The following PPP2R5C variants were observed in gnomAD, a reference collection of about 807,000 sequenced individuals.
PPP2R5C encodes protein phosphatase 2 regulatory subunit B'gamma, also known as serine/threonine-protein phosphatase 2A 56 kDa regulatory subunit gamma isoform.
A neutral mutation model predicts 68.9 loss-of-function variants in PPP2R5C; 7 were observed. That is an observed-to-expected ratio of 0.10 (90% confidence interval 0.06 to 0.19). The LOEUF is 0.19. Among genes scored for constraint, PPP2R5C ranks in the 10% least tolerant of loss-of-function variants. PPP2R5C has a pLI of 1.00. For missense variants in PPP2R5C, 348 were observed against 641.3 expected (o/e 0.54, Z 4.94); for synonymous variants, 210 against 222.2 (o/e 0.95, Z 0.49).
At position 101,910,173 on chromosome 14, in the gene PPP2R5C, G is replaced by A. The variant is rs117100512; in HGVS notation, c.1253+483G>A. ...TTTGCAAAATCAGGGTCCTGCCCTC[G>A]TGCCTTTGAGCCCACATGTGTCCAG... On this transcript the variant is annotated intron_variant, in intron 11 of 13. Transcript: ENST00000334743. Among the ~76,000 whole-genome samples, 546 of 152,278 alleles carry A rather than the reference G, an allele frequency of 3.6e-3. 2 individuals carry two copies. The highest frequency in any genetic ancestry group is 0.028 in the East Asian group (143 of 5,184).
intron 8 of PPP2R5C, among the ~76,000 whole-genome samples, chr14:101,897,306 A>AT (rs561053787): frequency 2.0e-5 from 3 of 150,040 alleles, no homozygotes; most frequent in Non-Finnish European, 4.5e-5. Context: ...CTCATTGGGG[A>AT]TTTTTTTTTT....
rs1468285709 is a variant in PPP2R5C, at chr14:101,877,634, C to G, written c.295-4527C>G. On this transcript the variant is annotated intron_variant, in intron 2 of 13. Transcript: ENST00000334743. This position sits in a 1 kb window ranked among gnomAD's most constrained non-coding sequence, Gnocchi z 4.2. ...CCTGGGGCTCCTGCCCCTGATTCGC[C>G]CCTGCAGCTTTTGTGTTAAGAAATG... 6.6e-6 allele frequency among the ~76,000 whole-genome samples: 1 copy of G among 152,158 alleles called. No homozygotes were observed. The highest frequency in any genetic ancestry group is 6.5e-5 in the Admixed American group (1 of 15,272).
rs1186686166 is a variant in PPP2R5C at position 101,853,879 on chromosome 14, C to T, written c.95-2807C>T. ...TGCATAGCGTGGCTCTTAGGGAGAA[C>T]GGTGGACTCTCAGTTCTCTGTAGTG... On this transcript the variant is annotated intron_variant, in intron 1 of 13. Coordinates refer to ENST00000334743, the Ensembl canonical transcript of PPP2R5C. Among the ~76,000 whole-genome samples the T allele has an allele frequency of 3.3e-5, 5 of 152,062 alleles. No individual in the cohort carries two copies. In the East Asian group the frequency reaches 9.6e-4, roughly 29 times the overall value.
chr14:101,827,711 T>C (rs2040481083), intron 1 of PPP2R5C, among the ~76,000 whole-genome samples: 1 of 152,186 alleles, frequency 6.6e-6, no homozygotes, highest in Non-Finnish European at 1.5e-5. Context: ...GGGAAATCAG[T>C]TCTCGGCCAT....
chr14:101,874,742 G>GT lies in PPP2R5C; in HGVS notation c.295-7409dup, dbSNP rs926897397. Among the ~76,000 whole-genome samples the GT allele has an allele frequency of 3.8e-4, 56 of 148,860 alleles. No individual in the cohort carries two copies. The Middle Eastern group carries it at 0.014, about 37-fold the overall frequency. Reference sequence around the variant, plus strand: ...TTCTACAAAGGTTTGTAAGTTGTTTGTTTTTTTTTTAATTTGAGACAGAGT... The same window carrying GT: ...TTCTACAAAGGTTTGTAAGTTGTTTGTTTTTTTTTTTAATTTGAGACAGAGT... On this transcript the variant is annotated intron_variant, in intron 2 of 13. Transcript: ENST00000334743.
chr14:101,811,303 A>G (rs2039345986), intron 1 of PPP2R5C, among the ~76,000 whole-genome samples: 1 of 152,210 alleles, frequency 6.6e-6, no homozygotes, highest in African/African-American at 2.4e-5. Context: ...CAAATGGGCA[A>G]GAACAAAATG....
chr14:101,848,705 G>A (rs1411210093), intron 1 of PPP2R5C, among the ~76,000 whole-genome samples: 1 of 152,216 alleles, frequency 6.6e-6, no homozygotes, highest in Non-Finnish European at 1.5e-5. Flanking sequence ...CCCTGGAGCA[G>A]CCCAGGGACA....
intron 1 of PPP2R5C, among the ~76,000 whole-genome samples, chr14:101,849,476 T>C (rs1317186600): frequency 6.6e-6 from 1 of 151,716 alleles, no homozygotes; most frequent in Non-Finnish European, 1.5e-5. Flanking sequence ...TTGGATCTAT[T>C]TTGTGAAGAA....
chr14:101,875,224 G>A (rs746536281), intron 2 of PPP2R5C, among the ~76,000 whole-genome samples: 9 of 152,154 alleles, frequency 5.9e-5, no homozygotes, highest in South Asian at 2.1e-4. Context: ...TGGAGGAAGC[G>A]CGAGGTAGAT....
chr14:101,836,846 A>C (rs1323343150), intron 1 of PPP2R5C: 1 of 161,376 alleles, frequency 6.2e-6, no homozygotes, highest in East Asian at 1.8e-4. Context: ...TTGTGAAGAC[A>C]AAACAATAAT....
chr14:101,769,455 CAGTT>C (rs985306342), intron 2 of PPP2R5C, among the ~76,000 whole-genome samples: 6 of 152,106 alleles, frequency 3.9e-5, no homozygotes, highest in South Asian at 2.1e-4. Flanking sequence ...ACCTTGAAGT[CAGTT>C]AGGTTGCTGA....
chr14:101,894,593 G>A (rs756609638), intron 8 of PPP2R5C, 33 bp downstream of exon 10: 3 of 1,586,622 alleles, frequency 1.9e-6, no homozygotes, highest in South Asian at 1.1e-5. Context: ...CTTGTAAGAT[G>A]TGTGCATTTC....
chr14:101,788,193 T>C (rs2140080105), intron 3 of PPP2R5C, among the ~76,000 whole-genome samples: 1 of 152,340 alleles, frequency 6.6e-6, no homozygotes, highest in East Asian at 1.9e-4. Flanking sequence ...GGGGCTTGGA[T>C]CTGCCATGGT....
intron 2 of PPP2R5C, among the ~76,000 whole-genome samples, chr14:101,780,388 C>T (rs1220414952): frequency 6.6e-6 from 1 of 152,084 alleles, no homozygotes; most frequent in Admixed American, 6.5e-5. Context: ...TGTTCCCATA[C>T]GTTTGAGAGA....
intron 1 of PPP2R5C, among the ~76,000 whole-genome samples, chr14:101,814,539 A>C (rs1017739853): frequency 1.3e-5 from 2 of 152,194 alleles, no homozygotes; most frequent in Admixed American, 1.3e-4. Context: ...ATACGCTCTC[A>C]ATCTCAGAGG....
At chr14:101,887,075 GA>G (rs1292777228) in intron 5 of PPP2R5C, among the ~76,000 whole-genome samples, 2 of 152,150 alleles carry the variant, frequency 1.3e-5, no homozygotes, top group Admixed American at 1.3e-4. Flanking sequence ...TGTCTTGTAA[GA>G]AAAAACATTT....
intron 8 of PPP2R5C, among the ~76,000 whole-genome samples, chr14:101,900,149 A>C (rs901925239): frequency 4.6e-5 from 7 of 152,260 alleles, no homozygotes; most frequent in Middle Eastern, 3.4e-3. Context: ...GACCTCCCAA[A>C]GTCCTGAGAT....
Position 101,891,529 on chromosome 14 carries a change from C to T in PPP2R5C, c.689+1233C>T, listed in dbSNP as rs1222547484. ...TAAGATAGGCGCATCCTCGCATTTC[C>T]CTCCTAGGTTGTTGCAGGGACCGGA... On this transcript the variant is annotated intron_variant, in intron 6 of 13. Coordinates refer to ENST00000334743, the Ensembl canonical transcript of PPP2R5C. The surrounding 1 kb of genome is among the most constrained non-coding windows in gnomAD (Gnocchi z 4.9). Among the ~76,000 whole-genome samples the T allele has an allele frequency of 6.6e-6, 1 of 152,120 alleles. No individual in the cohort carries two copies. The highest frequency in any genetic ancestry group is 2.4e-5 in the African/African-American group (1 of 41,402).
intron 1 of PPP2R5C, among the ~76,000 whole-genome samples, chr14:101,811,082 G>C (rs960372785): frequency 1.3e-5 from 2 of 152,174 alleles, no homozygotes; most frequent in Non-Finnish European, 2.9e-5. Context: ...AGACTTTTCA[G>C]ATCCTAGGGT....
Sources: gnomAD v4.1 joint callset for allele counts (sites outside exome capture counted in the v4.1 genomes callset) on GRCh38, gnomAD v4.1.1 for gene constraint, Gnocchi (gnomAD v3.1) non-coding constraint, MANE v1.5 for transcripts, NCBI Gene and HGNC (gene_info 2026-07-23, HGNC 2026-07-21) for gene names.